Variants in EPHA6 observed in about 807,000 individuals in gnomAD.
The protein encoded by EPHA6 is EPH receptor A6.
EPHA6 carries 50 observed loss-of-function variants against 112.0 expected under a neutral mutation model. That is an observed-to-expected ratio of 0.45 (90% CI 0.36 to 0.56). The LOEUF (loss-of-function observed/expected upper bound fraction) is 0.56. Ranked by LOEUF, EPHA6 falls within the 20% of genes least tolerant of loss-of-function variation. The pLI is 0.00. For synonymous variants in EPHA6, 529 were observed against 490.7 expected (o/e 1.08, Z -1.03); for missense variants, 1,280 against 1,417.4 (o/e 0.90, Z 1.56).
intron 5 of EPHA6, among the ~76,000 whole-genome samples, chr3:97,299,631 G>C (rs1433652600): frequency 6.6e-6 from 1 of 152,112 alleles, no homozygotes; most frequent in Non-Finnish European, 1.5e-5. Context: ...TCATTATAAA[G>C]AGAAGATGAC....
chr3:97,582,300 A>G (rs2107292019), intron 11 of EPHA6, among the ~76,000 whole-genome samples: 1 of 152,262 alleles, frequency 6.6e-6, no homozygotes, highest in East Asian at 1.9e-4. Flanking sequence ...AAGTGCTAGC[A>G]TTGCAGGTGT....
chr3:97,318,365 C>T (rs2108774275), intron 5 of EPHA6, among the ~76,000 whole-genome samples: 1 of 152,110 alleles, frequency 6.6e-6, no homozygotes, highest in African/African-American at 2.4e-5. Context: ...AAATATTCTC[C>T]TAATGTCTCA....
At chr3:97,019,018 T>A (rs1576332796) in intron 3 of EPHA6, among the ~76,000 whole-genome samples, 1 of 152,272 alleles carries the variant, frequency 6.6e-6, no homozygotes, top group East Asian at 1.9e-4. Context: ...TCAGCTCCTA[T>A]CTCTGTATGG....
At chr3:97,562,886 C>A (rs1165240006) in intron 11 of EPHA6, among the ~76,000 whole-genome samples, 3 of 152,144 alleles carry the variant, frequency 2.0e-5, no homozygotes, top group African/African-American at 4.8e-5. Context: ...AAAAAGATTA[C>A]TACTTGCTGA....
chr3:97,153,437 A>G (rs2076215203), intron 3 of EPHA6, among the ~76,000 whole-genome samples: 1 of 152,152 alleles, frequency 6.6e-6, no homozygotes, highest in African/African-American at 2.4e-5. Context: ...ATTAATATAA[A>G]AGCAAAGTGA....
chr3:97,022,933 G>A (rs1203155157), intron 3 of EPHA6, among the ~76,000 whole-genome samples: 1 of 152,162 alleles, frequency 6.6e-6, no homozygotes, highest in Non-Finnish European at 1.5e-5. Context: ...CATCCATCAT[G>A]CCCAAGAGTA....
intron 5 of EPHA6, among the ~76,000 whole-genome samples, chr3:97,382,180 CT>C (rs1364095515): frequency 1.3e-5 from 2 of 151,904 alleles, no homozygotes; most frequent in African/African-American, 4.8e-5. Flanking sequence ...ATTACAGTAA[CT>C]GATTTTGACA....
At chr3:97,051,625 C>A (rs2045687748) in intron 3 of EPHA6, among the ~76,000 whole-genome samples, 1 of 152,068 alleles carries the variant, frequency 6.6e-6, no homozygotes, top group South Asian at 2.1e-4. Flanking sequence ...TTTTAAAACT[C>A]ATTTGATGTT....
chr3:97,600,309 T>A (rs1259710740), intron 12 of EPHA6, among the ~76,000 whole-genome samples: 1 of 150,210 alleles, frequency 6.7e-6, no homozygotes, highest in African/African-American at 2.5e-5. Flanking sequence ...CTATGTTGAA[T>A]AGGAGTGGTG....
chr3:96,975,184 G>T (rs1309151776), intron 2 of EPHA6, among the ~76,000 whole-genome samples: 3 of 152,056 alleles, frequency 2.0e-5, no homozygotes, highest in Non-Finnish European at 4.4e-5. Flanking sequence ...GATCATCTAG[G>T]GTAGGGGAAA....
At chr3:96,958,292 A>G (rs74892636) in intron 2 of EPHA6, among the ~76,000 whole-genome samples, 4,217 of 151,046 alleles carry the variant, frequency 0.028, 194 homozygotes, top group African/African-American at 0.096. Context: ...CTCTGTCCCT[A>G]AAGAAAAAAA....
chr3:96,931,320 C>T (rs998857117), intron 2 of EPHA6, among the ~76,000 whole-genome samples: 1 of 152,172 alleles, frequency 6.6e-6, no homozygotes, highest in Admixed American at 6.5e-5. Flanking sequence ...AGCAGCTGTG[C>T]TGCACTGGGG....
rs552093841 is a variant in EPHA6, at chr3:96,991,500, A to C, written c.1114+3507A>C. 3.3e-5 allele frequency among the ~76,000 whole-genome samples: 5 copies of C among 152,148 alleles called. No individual in the cohort carries two copies. In the South Asian group the frequency reaches 1.0e-3, roughly 32 times the overall value. ...TTTCCTGGAGCGTAGTTGCTGGCTT[A>C]AGAGGGAGTTTATTCACATAACCAT... is the stretch of plus-strand genomic sequence containing the variant. On this transcript the variant is annotated intron_variant, in intron 3 of 17. Transcript: ENST00000389672.
chr3:97,028,789 A>G (rs1388158920), intron 3 of EPHA6, among the ~76,000 whole-genome samples: 5 of 152,004 alleles, frequency 3.3e-5, no homozygotes, highest in Non-Finnish European at 7.4e-5. Context: ...TTATTAATAA[A>G]ATATTTATAT....
intron 2 of EPHA6, among the ~76,000 whole-genome samples, chr3:96,962,227 A>G (rs565550534): frequency 5.9e-4 from 90 of 152,154 alleles, no homozygotes; most frequent in African/African-American, 2.1e-3. Context: ...CAGAGCTTTG[A>G]TGGCATCTCC....
At position 97,258,877 on chromosome 3, in the gene EPHA6, TC is replaced by T. The variant is rs1268756427; in HGVS notation, c.1606+14591del. On this transcript the variant is annotated intron_variant, in intron 5 of 17. Coordinates refer to ENST00000389672, the MANE Select transcript of EPHA6 (RefSeq NM_001080448.3). ...GTCTTTTCATATTTGCAATCAACAT[TC>T]TATATCATTCTAAAGACTAACAGAA... Among the ~76,000 whole-genome samples the T allele has an allele frequency of 4.2e-5, 6 of 144,042 alleles. No individual in the cohort carries two copies. In the East Asian group the frequency reaches 1.2e-3, roughly 28 times the overall value. 94.5% of individuals were successfully genotyped at this position (144,042 alleles called of 152,430 possible).
chr3:97,183,158 T>G (rs1367163227), intron 3 of EPHA6, among the ~76,000 whole-genome samples: 5 of 152,150 alleles, frequency 3.3e-5, no homozygotes, highest in Non-Finnish European at 7.4e-5. Flanking sequence ...TATATATCTC[T>G]AATTTTCATG....
chr3:97,392,387 GT>G (rs2086460573), intron 5 of EPHA6, among the ~76,000 whole-genome samples: 1 of 151,418 alleles, frequency 6.6e-6, no homozygotes, highest in Non-Finnish European at 1.5e-5. Context: ...AGCTAGCATG[GT>G]AAATTGCTAA....
intron 10 of EPHA6, among the ~76,000 whole-genome samples, chr3:97,524,974 G>C (rs1361985178): frequency 6.6e-6 from 1 of 152,058 alleles, no homozygotes; most frequent in Admixed American, 6.5e-5. Context: ...AGAATTTTGA[G>C]TTTATCTCTA....
Sources: gnomAD v4.1 joint callset for allele counts (sites outside exome capture counted in the v4.1 genomes callset) on GRCh38, gnomAD v4.1.1 for gene constraint, MANE v1.5 for transcripts, NCBI Gene and HGNC (gene_info 2026-07-23, HGNC 2026-07-21) for gene names.